The following PRLR variants were observed in gnomAD, a reference collection of about 807,000 sequenced individuals.
The protein encoded by PRLR is prolactin receptor.
A neutral mutation model predicts 40.2 loss-of-function variants in PRLR; 13 were observed. That is an observed-to-expected ratio of 0.32 (90% confidence interval 0.21 to 0.51). The LOEUF (loss-of-function observed/expected upper bound fraction) is 0.51, where lower values mean the gene tolerates loss of function less well. PRLR is among the 20% of genes least tolerant of loss of function. PRLR has a pLI of 0.97. For synonymous variants in PRLR, 269 were observed against 278.7 expected (o/e 0.97, Z 0.35); for missense variants, 656 against 747.3 (o/e 0.88, Z 1.42).
At chr5:35,120,086 T>C (rs1454727295) in intron 1 of PRLR, among the ~76,000 whole-genome samples, 1 of 152,158 alleles carries the variant, frequency 6.6e-6, no homozygotes, top group East Asian at 1.9e-4. Flanking sequence ...GTCTGACTCC[T>C]GTGCCCTCCA....
intron 5 of PRLR, among the ~76,000 whole-genome samples, chr5:35,075,418 G>A (rs1456742405): frequency 2.0e-5 from 3 of 152,210 alleles, no homozygotes; most frequent in Non-Finnish European, 4.4e-5. Flanking sequence ...AGGGTCCCAA[G>A]CCCATGGAGC....
chr5:35,226,931 G>A (rs929019199), intron 1 of PRLR, among the ~76,000 whole-genome samples: 2 of 152,340 alleles, frequency 1.3e-5, no homozygotes, highest in African/African-American at 2.4e-5. Flanking sequence ...AATGCTTGTC[G>A]AATAAATGAA....
intron 1 of PRLR, among the ~76,000 whole-genome samples, chr5:35,135,776 C>A (rs1213965402): frequency 3.3e-5 from 5 of 152,160 alleles, no homozygotes; most frequent in Non-Finnish European, 5.9e-5. Flanking sequence ...CCTGAGGGAG[C>A]CTGCCTTGGG....
chr5:35,123,057 TTTTG>T (rs1279606294), intron 1 of PRLR, among the ~76,000 whole-genome samples: 2 of 152,066 alleles, frequency 1.3e-5, no homozygotes, highest in Non-Finnish European at 2.9e-5. Context: ...GAATCCAATA[TTTTG>T]TTTGTGTCTT....
chr5:35,086,940 C>A (rs760938327), intron 3 of PRLR, among the ~76,000 whole-genome samples: 1 of 152,092 alleles, frequency 6.6e-6, no homozygotes. Context: ...TGTATCTGGG[C>A]ATCCTTTCCT....
intron 1 of PRLR, among the ~76,000 whole-genome samples, chr5:35,129,173 G>C (rs2111766824): frequency 6.6e-6 from 1 of 152,314 alleles, no homozygotes; most frequent in East Asian, 1.9e-4. Flanking sequence ...ATTTCTGTAA[G>C]TGTGCACTAC....
intron 2 of PRLR, among the ~76,000 whole-genome samples, chr5:35,116,567 A>G (rs1044167400): frequency 1.3e-5 from 2 of 152,160 alleles, no homozygotes; most frequent in Non-Finnish European, 2.9e-5. Flanking sequence ...TCTTAAAGGA[A>G]AGGTCCACTC....
intron 1 of PRLR, among the ~76,000 whole-genome samples, chr5:35,171,616 G>T (rs1389669647): frequency 6.6e-6 from 1 of 152,158 alleles, no homozygotes; most frequent in Non-Finnish European, 1.5e-5. Flanking sequence ...TATGGGGAGG[G>T]GATTTAGGAA....
intron 1 of PRLR, among the ~76,000 whole-genome samples, chr5:35,228,255 C>CAAA (rs1561375681): frequency 3.2e-5 from 2 of 63,202 alleles, no homozygotes; most frequent in Non-Finnish European, 3.8e-5. Flanking sequence ...AAAAAAAAAG[C>CAAA]AGCATTATTT....
chr5:35,072,542 A>C, intron 6 of PRLR, 33 bp downstream of exon 6: 1 of 1,599,872 alleles, frequency 6.3e-7, no homozygotes, highest in Admixed American at 1.7e-5. Context: ...GCCAAAGGCC[A>C]TAGTTCCTTC....
chr5:35,083,436 CT>C (rs1561280525), intron 5 of PRLR, among the ~76,000 whole-genome samples: 8 of 138,040 alleles, frequency 5.8e-5, no homozygotes, highest in African/African-American at 2.3e-4. Flanking sequence ...CTCTCTCTCT[CT>C]TCCTCTCTCT....
Position 35,056,403 on chromosome 5 carries a change from C to A in PRLR, c.*8686G>T, listed in dbSNP as rs1326979597. The A allele has an allele frequency of 6.6e-6, 1 of 152,100 alleles. No homozygotes were observed. Among genetic ancestry groups the A allele is most frequent in the Admixed American group, 6.6e-5 (1 of 15,266 alleles). 9.4% of individuals were successfully genotyped at this position (152,100 alleles called of 1,614,324 possible). A position where few individuals can be genotyped will look rare whatever the true frequency, so the allele number is the denominator to read the frequency against. On this transcript the variant is annotated 3_prime_UTR_variant, in exon 10 of 10. Coordinates refer to ENST00000618457, the MANE Select transcript of PRLR (RefSeq NM_000949.7). ...CCCTGGTGGGGGCTTTTCAATAATT[C>A]TATTTCTTATCCTTCTCCCTAGTCC... is the stretch of plus-strand genomic sequence containing the variant.
In PRLR at chr5:35,065,399, G is replaced by A; in HGVS notation, c.1559C>T (p.Ala520Val). ...TCTCTGTTTTGGTAGCAATGATAAT[G>A]CACCATCTTTGTTGACCTTGTGAAT... ...VEIHKVNKDG[A>V]LSLLPKQREN... Residue 520 changes from alanine (A) to valine (V), a missense_variant, in exon 10 of 10, where the codon GCA becomes GTA. Ala to Val is a moderately conservative substitution (Grantham distance 64, BLOSUM62 0). Coordinates refer to ENST00000618457, the MANE Select transcript of PRLR (RefSeq NM_000949.7). 1 of 1,614,072 alleles carries A rather than the reference G, an allele frequency of 6.2e-7. No individual in the cohort carries two copies. Among genetic ancestry groups the A allele is most frequent in the African/African-American group, 1.3e-5 (1 of 75,002 alleles).
intron 5 of PRLR, chr5:35,081,774 C>T (rs1265011195): frequency 7.7e-6 from 1 of 129,690 alleles, no homozygotes; most frequent in Non-Finnish European, 1.5e-5. Flanking sequence ...TAAGGCAATA[C>T]ACAAACACAC....
intron 1 of PRLR, among the ~76,000 whole-genome samples, chr5:35,130,858 C>T (rs532575945): frequency 3.3e-5 from 5 of 152,224 alleles, no homozygotes; most frequent in Non-Finnish European, 4.4e-5. Flanking sequence ...AAGAGACACA[C>T]GGGGAGGACA....
At chr5:35,105,564 G>A (rs1435378105) in intron 2 of PRLR, among the ~76,000 whole-genome samples, 2 of 152,156 alleles carry the variant, frequency 1.3e-5, no homozygotes, top group Non-Finnish European at 2.9e-5. Flanking sequence ...ACCATGGCAC[G>A]AGAACTATAT....
intron 1 of PRLR, among the ~76,000 whole-genome samples, chr5:35,145,671 A>C (rs1774164487): frequency 6.6e-6 from 1 of 152,208 alleles, no homozygotes; most frequent in Non-Finnish European, 1.5e-5. Context: ...CAGGGGTCTT[A>C]ATTTACCTTT....
intron 1 of PRLR, chr5:35,135,546 G>A (rs2962098): frequency 3.3e-5 from 5 of 152,184 alleles, no homozygotes; most frequent in South Asian, 4.1e-4. Flanking sequence ...CCTTATTTCT[G>A]GTCCCTGAGT....
At chr5:35,173,586 C>T (rs1775060446) in intron 1 of PRLR, among the ~76,000 whole-genome samples, 1 of 152,078 alleles carries the variant, frequency 6.6e-6, no homozygotes, top group Non-Finnish European at 1.5e-5. Flanking sequence ...AAAACCTTGC[C>T]CTCCTCCAAG....
Sources: allele counts gnomAD v4.1 joint callset (sites outside exome capture counted in the v4.1 genomes callset), GRCh38; gene constraint gnomAD v4.1.1; transcripts MANE v1.5; gene names NCBI Gene and HGNC (gene_info 2026-07-23, HGNC 2026-07-21).